Variants in FBXW11 observed in about 807,000 individuals in gnomAD.
FBXW11 encodes the protein F-box/WD repeat-containing protein 11.
A neutral mutation model predicts 77.6 loss-of-function variants in FBXW11; 19 were observed. The ratio of observed to expected loss-of-function variants is 0.24; its 90% CI spans 0.17 to 0.36. FBXW11 has a LOEUF of 0.36. Among genes scored for constraint, FBXW11 ranks in the 10% least tolerant of loss-of-function variants. FBXW11 has a pLI of 1.00. For missense variants in FBXW11, 334 were observed against 704.2 expected (o/e 0.47, Z 5.95); for synonymous variants, 235 against 249.4 (o/e 0.94, Z 0.54).
chr5:171,883,094 G>A (rs533547943), intron 7 of FBXW11, among the ~76,000 whole-genome samples: 1 of 152,258 alleles, frequency 6.6e-6, no homozygotes, highest in African/African-American at 2.4e-5. Context: ...TCTCATCCAA[G>A]TCACCGCAAA....
chr5:171,888,516 T>C (rs1029426128), intron 7 of FBXW11, among the ~76,000 whole-genome samples: 2 of 152,264 alleles, frequency 1.3e-5, no homozygotes, highest in South Asian at 2.1e-4. Context: ...CCTCTGATGA[T>C]GTCAAGACAG....
At chr5:171,879,255 C>T (rs966722848) in intron 7 of FBXW11, among the ~76,000 whole-genome samples, 6 of 152,298 alleles carry the variant, frequency 3.9e-5, no homozygotes, top group Middle Eastern at 3.4e-3. Context: ...TACACACTTA[C>T]GGTTCCTCCC....
chr5:171,871,329 AG>A (rs1376392364), intron 10 of FBXW11, among the ~76,000 whole-genome samples: 2 of 152,062 alleles, frequency 1.3e-5, no homozygotes, highest in African/African-American at 4.8e-5. Flanking sequence ...ACGTACAGCC[AG>A]GGGGTTAAGC....
intron 1 of FBXW11, among the ~76,000 whole-genome samples, chr5:171,963,831 A>G (rs952383650): frequency 6.6e-5 from 10 of 152,220 alleles, no homozygotes; most frequent in African/African-American, 2.2e-4. Flanking sequence ...ACGATAAAAG[A>G]AGTCTGCTCA....
At chr5:171,998,849 A>G (rs1335413252) in intron 1 of FBXW11, among the ~76,000 whole-genome samples, 3 of 152,014 alleles carry the variant, frequency 2.0e-5, no homozygotes, top group African/African-American at 7.3e-5. Context: ...ATGGTACTCA[A>G]GTAGTCTTTG....
intron 1 of FBXW11, among the ~76,000 whole-genome samples, chr5:171,979,557 A>C (rs1323582520): frequency 6.6e-6 from 1 of 152,172 alleles, no homozygotes; most frequent in Non-Finnish European, 1.5e-5. Context: ...TTCCTATTCA[A>C]TAATTTTGCA....
chr5:171,879,129 A>G (rs1187779648), intron 7 of FBXW11, among the ~76,000 whole-genome samples: 1 of 152,186 alleles, frequency 6.6e-6, no homozygotes, highest in Non-Finnish European at 1.5e-5. Flanking sequence ...TCACACTCTG[A>G]GTGTTCCTTT....
chr5:171,899,243 C>G (rs891548022), intron 5 of FBXW11, 149 bp from the exon 6 acceptor site: 8 of 571,130 alleles, frequency 1.4e-5, no homozygotes, highest in Non-Finnish European at 1.5e-5. Context: ...GACAAATTTA[C>G]ATGTTACAGA....
At chr5:171,944,423 A>C (rs1022405746) in intron 2 of FBXW11, among the ~76,000 whole-genome samples, 72 of 151,774 alleles carry the variant, frequency 4.7e-4, no homozygotes, top group African/African-American at 1.7e-3. Context: ...AAAATACAAA[A>C]AATTAGCCGG....
chr5:171,960,750 C>T (rs1464554568), intron 1 of FBXW11, among the ~76,000 whole-genome samples: 2 of 152,132 alleles, frequency 1.3e-5, no homozygotes, highest in Admixed American at 6.5e-5. Flanking sequence ...GCTTTTTAAC[C>T]ATTTAATGAT....
intron 2 of FBXW11, among the ~76,000 whole-genome samples, chr5:171,951,803 A>T (rs776663799): frequency 1.3e-4 from 20 of 152,102 alleles, no homozygotes; most frequent in Non-Finnish European, 2.5e-4. Flanking sequence ...TTGTTTAAAA[A>T]TTTTTTAATG....
intron 1 of FBXW11, among the ~76,000 whole-genome samples, chr5:171,960,386 CAAA>C (rs1763845444): frequency 6.6e-6 from 1 of 151,906 alleles, no homozygotes; most frequent in South Asian, 2.1e-4. Flanking sequence ...ACAACAACAA[CAAA>C]AAAGGATTAC....
At chr5:171,896,835 G>A (rs1400364461) in intron 6 of FBXW11, among the ~76,000 whole-genome samples, 1 of 152,192 alleles carries the variant, frequency 6.6e-6, no homozygotes, top group Non-Finnish European at 1.5e-5. Context: ...GTCTGCTTGT[G>A]AGGATTTCAT....
intron 2 of FBXW11, among the ~76,000 whole-genome samples, chr5:171,937,364 C>T (rs1762531300): frequency 6.6e-6 from 1 of 152,152 alleles, no homozygotes; most frequent in African/African-American, 2.4e-5. Context: ...TACACAAATA[C>T]TCCAGAGTAG....
intron 9 of FBXW11, among the ~76,000 whole-genome samples, chr5:171,873,456 G>A (rs913917189): frequency 6.6e-6 from 1 of 152,254 alleles, no homozygotes; most frequent in East Asian, 1.9e-4. Context: ...ACCAGCCTGG[G>A]CAAAATAGTG....
chr5:171,968,680 T>C (rs777274641), intron 1 of FBXW11, among the ~76,000 whole-genome samples: 9 of 152,128 alleles, frequency 5.9e-5, no homozygotes, highest in Non-Finnish European at 1.0e-4. Flanking sequence ...CCAATTTGTT[T>C]TTTAGACATT....
intron 10 of FBXW11, among the ~76,000 whole-genome samples, chr5:171,871,354 A>G (rs1757742485): frequency 6.6e-6 from 1 of 152,198 alleles, no homozygotes; most frequent in Non-Finnish European, 1.5e-5. Context: ...CGCCCCAGGC[A>G]CTTCTAGCAC....
chr5:171,978,328 A>ATTGGCACT (rs779726972), intron 1 of FBXW11, among the ~76,000 whole-genome samples: 4 of 152,210 alleles, frequency 2.6e-5, no homozygotes, highest in Non-Finnish European at 5.9e-5. Flanking sequence ...GACAAACTAC[A>ATTGGCACT]TTGGCACTTG....
chr5:171,980,373 T>G (rs1288917367), intron 1 of FBXW11, among the ~76,000 whole-genome samples: 1 of 152,132 alleles, frequency 6.6e-6, no homozygotes, highest in African/African-American at 2.4e-5. Context: ...AAATAAAAAA[T>G]TGGACTTCAT....
Sources: gnomAD v4.1 joint callset for allele counts (sites outside exome capture counted in the v4.1 genomes callset) on GRCh38, gnomAD v4.1.1 for gene constraint, MANE v1.5 for transcripts, NCBI Gene and HGNC (gene_info 2026-07-23, HGNC 2026-07-21) for gene names.